GALNT17: variants seen among roughly 807,000 people sequenced by gnomAD.
GALNT17 encodes the protein polypeptide N-acetylgalactosaminyltransferase 17.
A neutral mutation model predicts 63.7 loss-of-function variants in GALNT17; 29 were observed. That is an observed-to-expected ratio of 0.46 (90% CI 0.34 to 0.62). GALNT17 has a LOEUF of 0.62. Ranked by LOEUF, GALNT17 falls within the 20% of genes least tolerant of loss-of-function variation. The pLI is 0.01. For missense variants in GALNT17, 603 were observed against 799.6 expected (o/e 0.75, Z 2.97); for synonymous variants, 305 against 318.3 (o/e 0.96, Z 0.45).
chr7:71,276,239 T>C (rs78289042), intron 1 of GALNT17, among the ~76,000 whole-genome samples: 1 of 150,662 alleles, frequency 6.6e-6, no homozygotes, highest in Non-Finnish European at 1.5e-5. Context: ...GCTGCAGGGG[T>C]GGGGGTGGTC....
intron 9 of GALNT17, among the ~76,000 whole-genome samples, 165 bp from the exon 10 acceptor site, chr7:71,710,596 T>A (rs1362200250): frequency 6.6e-6 from 1 of 151,934 alleles, no homozygotes; most frequent in African/African-American, 2.4e-5. Context: ...AACAGGGCTG[T>A]CCTGTGAGGT....
In GALNT17 at chr7:71,436,587, C is replaced by T. The variant is rs370471844; in HGVS notation, c.962+15482C>T. On this transcript the variant is annotated intron_variant, in intron 5 of 10. Coordinates refer to ENST00000333538, the MANE Select transcript of GALNT17 (RefSeq NM_022479.3). ...ACAAAAAATTAGTCAGGGATCGTGG[C>T]GGGCGCCTGTAGTCCCAGCTACTCA... Among the ~76,000 whole-genome samples, 276 of 151,830 alleles carry T rather than the reference C, an allele frequency of 1.8e-3. 6 individuals carry two copies. Among genetic ancestry groups the T allele is most frequent in the African/African-American group, 4.4e-3 (183 of 41,422 alleles).
At chr7:71,509,125 C>T (rs1187107454) in intron 5 of GALNT17, among the ~76,000 whole-genome samples, 3 of 152,208 alleles carry the variant, frequency 2.0e-5, no homozygotes, top group Non-Finnish European at 4.4e-5. Flanking sequence ...ATCCGTACTT[C>T]GAGTACCCAT....
At chr7:71,619,617 GCTA>G (rs1244539147) in intron 6 of GALNT17, among the ~76,000 whole-genome samples, 19 of 152,234 alleles carry the variant, frequency 1.2e-4, no homozygotes, top group East Asian at 3.9e-4. Flanking sequence ...GTACAGAAAT[GCTA>G]CTGATTTTTG....
At chr7:71,204,837 C>T (rs987836183) in intron 1 of GALNT17, among the ~76,000 whole-genome samples, 1 of 152,116 alleles carries the variant, frequency 6.6e-6, no homozygotes, top group Admixed American at 6.5e-5. Flanking sequence ...CCTCTGCCTC[C>T]TGGGTTCAAG....
intron 1 of GALNT17, among the ~76,000 whole-genome samples, chr7:71,162,585 C>CTT (rs1554334540): frequency 6.6e-6 from 1 of 151,920 alleles, no homozygotes; most frequent in Non-Finnish European, 1.5e-5. Context: ...TATAGGGCTC[C>CTT]ATGTGACTGC....
chr7:71,697,757 G>C lies in GALNT17; in HGVS notation c.1501-13004G>C, dbSNP rs148327227. Among the ~76,000 whole-genome samples, 19 of 152,256 alleles carry C rather than the reference G, an allele frequency of 1.2e-4. No individual in the cohort carries two copies. In the East Asian group the frequency reaches 3.7e-3, roughly 29 times the overall value. On this transcript the variant is annotated intron_variant, in intron 9 of 10. Coordinates refer to ENST00000333538, the MANE Select transcript of GALNT17 (RefSeq NM_022479.3). ...ATTAGATACTTTGAAGGGTCTCCCT[G>C]CTCTCATATAGACAGATTTTAGATA...
intron 9 of GALNT17, among the ~76,000 whole-genome samples, chr7:71,705,965 C>A (rs992353949): frequency 6.6e-6 from 1 of 152,136 alleles, no homozygotes; most frequent in Admixed American, 6.5e-5. Context: ...GTGGACAATA[C>A]CCCAAAGGCT....
intron 1 of GALNT17, among the ~76,000 whole-genome samples, chr7:71,217,148 T>TG: frequency 6.7e-6 from 1 of 148,478 alleles, no homozygotes; most frequent in Admixed American, 6.7e-5. Flanking sequence ...GTGTTTTGTT[T>TG]TTTTTTTTTT....
intron 5 of GALNT17, among the ~76,000 whole-genome samples, chr7:71,554,704 C>T (rs796735370): frequency 6.6e-6 from 1 of 152,316 alleles, no homozygotes; most frequent in African/African-American, 2.4e-5. Context: ...CATCTCTTTG[C>T]CTTCCCATCC....
At chr7:71,228,540 G>A (rs1442800374) in intron 1 of GALNT17, among the ~76,000 whole-genome samples, 3 of 152,210 alleles carry the variant, frequency 2.0e-5, no homozygotes, top group Non-Finnish European at 4.4e-5. Flanking sequence ...GGTGTCAGCA[G>A]GGCTGCACTC....
At chr7:71,321,905 T>C in intron 1 of GALNT17, among the ~76,000 whole-genome samples, 1 of 106,440 alleles carries the variant, frequency 9.4e-6, no homozygotes, top group African/African-American at 3.7e-5. Context: ...CTTCCTTCCT[T>C]CCTTCCTTCC....
intron 5 of GALNT17, among the ~76,000 whole-genome samples, chr7:71,548,617 G>C (rs991628194): frequency 2.0e-5 from 3 of 152,198 alleles, no homozygotes; most frequent in Non-Finnish European, 4.4e-5. Context: ...CACCATGTAA[G>C]ACATGTCTTT....
chr7:71,620,429 A>T (rs1341593730), intron 6 of GALNT17, among the ~76,000 whole-genome samples: 9 of 152,176 alleles, frequency 5.9e-5, no homozygotes, highest in African/African-American at 2.2e-4. Flanking sequence ...ATGAGCTATG[A>T]TCATGCCACT....
chr7:71,528,766 A>G (rs768303444), intron 5 of GALNT17, among the ~76,000 whole-genome samples: 3 of 152,208 alleles, frequency 2.0e-5, no homozygotes, highest in Non-Finnish European at 4.4e-5. Flanking sequence ...CTGTTTCTCA[A>G]AAATGATTGA....
intron 2 of GALNT17, among the ~76,000 whole-genome samples, chr7:71,352,432 G>A (rs1456422753): frequency 2.6e-5 from 4 of 152,170 alleles, no homozygotes; most frequent in African/African-American, 9.7e-5. Flanking sequence ...GAATACTACT[G>A]GGTTTTAGGT....
chr7:71,358,353 C>T (rs973941436), intron 2 of GALNT17, among the ~76,000 whole-genome samples: 3 of 152,216 alleles, frequency 2.0e-5, no homozygotes, highest in African/African-American at 7.2e-5. Context: ...CGAGATTGCG[C>T]CATTGCACTC....
intron 5 of GALNT17, among the ~76,000 whole-genome samples, chr7:71,471,580 T>C (rs1787633559): frequency 6.6e-6 from 1 of 152,100 alleles, no homozygotes; most frequent in Non-Finnish European, 1.5e-5. Flanking sequence ...AAAGTCCTCA[T>C]GGGCCACTGG....
At chr7:71,159,792 T>G (rs1562873654) in intron 1 of GALNT17, among the ~76,000 whole-genome samples, 2 of 149,868 alleles carry the variant, frequency 1.3e-5, no homozygotes, top group African/African-American at 5.0e-5. Flanking sequence ...TTATTTTGGG[T>G]TTTTTTTGAG....
Sources: gnomAD v4.1 joint callset for allele counts (sites outside exome capture counted in the v4.1 genomes callset) on GRCh38, gnomAD v4.1.1 for gene constraint, MANE v1.5 for transcripts, NCBI Gene and HGNC (gene_info 2026-07-23, HGNC 2026-07-21) for gene names.